ULK4: variants seen among roughly 807,000 people sequenced by gnomAD.
ULK4 encodes unc-51 like kinase 4.
Under a neutral mutation model 160.6 loss-of-function variants are expected in ULK4, and 133 were observed. The observed-to-expected ratio is 0.83, with a 90% CI of 0.72 to 0.96. ULK4 has a LOEUF of 0.96. Ranked by LOEUF, ULK4 falls within the 40% of genes least tolerant of loss-of-function variation. The pLI is 0.00. For missense variants in ULK4, 1,580 were observed against 1,499.5 expected (o/e 1.05, Z -0.89); for synonymous variants, 534 against 539.8 (o/e 0.99, Z 0.15).
At chr3:41,420,893 C>T (rs1469684219) in intron 34 of ULK4, among the ~76,000 whole-genome samples, 3 of 150,718 alleles carry the variant, frequency 2.0e-5, no homozygotes, top group Non-Finnish European at 4.4e-5. Flanking sequence ...GCAGGCAAAT[C>T]ACTTGAGGTA....
chr3:41,724,679 C>T (rs2037588444), intron 22 of ULK4, among the ~76,000 whole-genome samples: 2 of 152,052 alleles, frequency 1.3e-5, no homozygotes, highest in South Asian at 4.1e-4. Flanking sequence ...GCCAAGATTG[C>T]ACCACTGCAC....
chr3:41,822,717 C>T (rs1389034377), intron 18 of ULK4, among the ~76,000 whole-genome samples: 2 of 123,856 alleles, frequency 1.6e-5, no homozygotes, highest in Admixed American at 1.6e-4. Context: ...CCATGCCGGG[C>T]TGAGATTTTT....
chr3:41,394,640 CAGTTTTGCA>C (rs1431353434), intron 35 of ULK4, among the ~76,000 whole-genome samples: 1 of 152,086 alleles, frequency 6.6e-6, no homozygotes, highest in Non-Finnish European at 1.5e-5. Context: ...AAATGAGCAT[CAGTTTTGCA>C]CCAGTGCAAA....
intron 22 of ULK4, among the ~76,000 whole-genome samples, chr3:41,732,063 T>C (rs1386775716): frequency 1.3e-5 from 2 of 152,024 alleles, no homozygotes; most frequent in African/African-American, 4.8e-5. Context: ...GCTTCATTAG[T>C]CTGGTCCATG....
At chr3:41,798,536 A>ATACC (rs774002010) in intron 20 of ULK4, among the ~76,000 whole-genome samples, 90 of 152,326 alleles carry the variant, frequency 5.9e-4, no homozygotes, top group Middle Eastern at 3.4e-3. Flanking sequence ...AGGTAACATA[A>ATACC]CTGAAAAATT....
At chr3:41,492,403 GCCCTAA>G (rs879912798) in intron 32 of ULK4, among the ~76,000 whole-genome samples, 61,482 of 150,744 alleles carry the variant, frequency 0.41, 12,702 homozygotes, top group African/African-American at 0.43. Context: ...GTTGTTTCCT[GCCCTAA>G]AAGAGCTCCT....
chr3:41,250,542 C>T (rs908112572), intron 35 of ULK4, among the ~76,000 whole-genome samples: 7 of 152,184 alleles, frequency 4.6e-5, no homozygotes, highest in African/African-American at 1.2e-4. Context: ...CTCCCCACCA[C>T]GAAGGTGGAA....
At chr3:41,493,434 T>C (rs1389735891) in intron 32 of ULK4, among the ~76,000 whole-genome samples, 2 of 131,748 alleles carry the variant, frequency 1.5e-5, no homozygotes, top group African/African-American at 2.9e-5. Flanking sequence ...AAGCAGTGTG[T>C]AGAGGGAAAT....
chr3:41,951,821 G>A (rs1166749662), intron 2 of ULK4, among the ~76,000 whole-genome samples: 15 of 152,258 alleles, frequency 9.9e-5, no homozygotes, highest in Non-Finnish European at 1.5e-5. Flanking sequence ...ACAGCCATAA[G>A]GGGGCCTGTT....
At chr3:41,895,167 T>C (rs1698111620) in intron 16 of ULK4, among the ~76,000 whole-genome samples, 1 of 152,118 alleles carries the variant, frequency 6.6e-6, no homozygotes, top group Non-Finnish European at 1.5e-5. Flanking sequence ...CCTAACACTT[T>C]GGGAGTCAGA....
At chr3:41,612,447 T>C (rs911288215) in intron 31 of ULK4, among the ~76,000 whole-genome samples, 37 of 152,224 alleles carry the variant, frequency 2.4e-4, no homozygotes, top group Non-Finnish European at 3.4e-4. Flanking sequence ...TACCTGATCA[T>C]GTGTGTACAC....
intron 30 of ULK4, among the ~76,000 whole-genome samples, chr3:41,626,764 G>T (rs1429252786): frequency 6.7e-6 from 1 of 149,406 alleles, no homozygotes; most frequent in Admixed American, 6.6e-5. Context: ...CTAACCTCGT[G>T]ATCCACCCGC....
intron 34 of ULK4, among the ~76,000 whole-genome samples, chr3:41,414,975 C>G (rs957699946): frequency 5.3e-5 from 8 of 152,034 alleles, no homozygotes; most frequent in Non-Finnish European, 4.4e-5. Context: ...AATAGAGTAC[C>G]AGGGTGTTAA....
intron 31 of ULK4, among the ~76,000 whole-genome samples, chr3:41,569,749 T>G (rs2087906216): frequency 6.6e-6 from 1 of 151,690 alleles, no homozygotes; most frequent in East Asian, 1.9e-4. Flanking sequence ...CTATCAGACT[T>G]TTCAAGGAAC....
At chr3:41,403,810 A>G (rs1429692918) in intron 34 of ULK4, among the ~76,000 whole-genome samples, 1 of 152,060 alleles carries the variant, frequency 6.6e-6, no homozygotes, top group African/African-American at 2.4e-5. Context: ...ATTCAGTTCT[A>G]TGCATTTAAA....
At chr3:41,539,441 T>C (rs968522027) in intron 32 of ULK4, among the ~76,000 whole-genome samples, 1 of 152,104 alleles carries the variant, frequency 6.6e-6, no homozygotes, top group Non-Finnish European at 1.5e-5. Flanking sequence ...TCCACCTTAT[T>C]TTCTGAAGCT....
At chr3:41,266,078 T>A (rs2079027280) in intron 35 of ULK4, among the ~76,000 whole-genome samples, 1 of 152,096 alleles carries the variant, frequency 6.6e-6, no homozygotes, top group Admixed American at 6.6e-5. Context: ...TGAAGCAAGG[T>A]CTCCCAGGCC....
chr3:41,840,084 G>C (rs967462504), intron 17 of ULK4, among the ~76,000 whole-genome samples: 1 of 152,058 alleles, frequency 6.6e-6, no homozygotes, highest in African/African-American at 2.4e-5. Context: ...TATTATAAAA[G>C]TTATATGGAA....
chr3:41,913,178 C>T lies in ULK4; in HGVS notation c.804-279G>A, dbSNP rs952949925. 4.9e-4 allele frequency: 128 copies of T among 260,456 alleles called. 1 individual carries two copies. Among genetic ancestry groups the T allele is most frequent in the African/African-American group, 2.7e-3 (119 of 44,816 alleles). 16.1% of individuals were successfully genotyped at this position (260,456 alleles called of 1,614,324 possible). A position where few individuals can be genotyped will look rare whatever the true frequency, so the allele number is the denominator to read the frequency against. On this transcript the variant is annotated intron_variant, in intron 8 of 36. Transcript: ENST00000301831. ...CAAATTCCATAGAGTCTGGTTTCTC[C>T]AACCAGCCTAGGAAAAACGGAGTCG...
Sources: gnomAD v4.1 joint callset for allele counts (sites outside exome capture counted in the v4.1 genomes callset) on GRCh38, gnomAD v4.1.1 for gene constraint, MANE v1.5 for transcripts, NCBI Gene and HGNC (gene_info 2026-07-23, HGNC 2026-07-21) for gene names.